Variants in BAZ2A observed in about 807,000 individuals in gnomAD.
BAZ2A encodes bromodomain adjacent to zinc finger domain protein 2A.
Under a neutral mutation model 199.9 loss-of-function variants are expected in BAZ2A, and 34 were observed. The observed-to-expected ratio is 0.17, with a 90% CI of 0.13 to 0.23. BAZ2A has a LOEUF of 0.23. BAZ2A is among the 10% of genes least tolerant of loss of function. BAZ2A has a pLI of 1.00. For missense variants in BAZ2A, 2,002 were observed against 2,391.1 expected (o/e 0.84, Z 3.39); for synonymous variants, 857 against 883.9 (o/e 0.97, Z 0.54).
chr12:56,615,493 C>G lies in BAZ2A; in HGVS notation c.251G>C (p.Ser84Thr). The G allele has an allele frequency of 6.2e-7, 1 of 1,613,414 alleles. No homozygotes were observed. The highest frequency in any genetic ancestry group is 1.1e-5 in the South Asian group (1 of 91,066). Reference protein sequence around the residue: ...SSSTSHLHHPSVAYDCLWNYS... With the variant: ...SSSTSHLHHPTVAYDCLWNYS... ...GTTCCAGAGACAGTCGTAGGCCACGCTGGGGTGATGGAGGTGTGAGGTGCT... is the reference window on the plus strand; with the variant it reads ...GTTCCAGAGACAGTCGTAGGCCACGGTGGGGTGATGGAGGTGTGAGGTGCT... Residue 84 changes from serine (S) to threonine (T), a missense_variant, in exon 3 of 29, where the codon AGC becomes ACC. Coordinates refer to ENST00000549884, the MANE Select transcript of BAZ2A (RefSeq NM_001300905.2).
chr12:56,634,496 G>T (rs1011768664), upstream of BAZ2A, among the ~76,000 whole-genome samples: 1 of 152,204 alleles, frequency 6.6e-6, no homozygotes, highest in Non-Finnish European at 1.5e-5. Flanking sequence ...GAACTTAAAG[G>T]GCTGAGCGGA....
Position 56,601,415 on chromosome 12 carries a change from T to A in BAZ2A, c.4072-13A>T, listed in dbSNP as rs1463909196. On this transcript the variant is annotated splice_polypyrimidine_tract_variant and intron_variant, in intron 20 of 28. Transcript: ENST00000549884. The stretch of plus-strand genomic sequence containing the variant: ...TAGGTCTATTCATCTGTGAATAAAA[T>A]GAGACATAAGGAAATGAGGATGTTT... 6.2e-7 allele frequency: 1 copy of A among 1,609,752 alleles called. No individual in the cohort carries two copies. The highest frequency in any genetic ancestry group is 8.5e-7 in the Non-Finnish European group (1 of 1,177,810).
At chr12:56,606,409 G>A in intron 11 of BAZ2A, 97 bp from the exon 12 acceptor site, 4 of 1,434,200 alleles carry the variant, frequency 2.8e-6, no homozygotes, top group Non-Finnish European at 2.9e-6. Context: ...GGGAGGAGAG[G>A]TGAGAGATGG....
chr12:56,604,897 G>T, intron 14 of BAZ2A, 98 bp from the exon 15 acceptor site: 1 of 1,409,732 alleles, frequency 7.1e-7, no homozygotes. Flanking sequence ...AGAACTATGG[G>T]GGTTAAGACA....
rs776437444 is a variant in BAZ2A, at chr12:56,615,187, G to C, written c.557C>G (p.Thr186Ser). 9.9e-6 allele frequency: 16 copies of C among 1,613,586 alleles called. No individual in the cohort carries two copies. The highest frequency in any genetic ancestry group is 1.3e-5 in the African/African-American group (1 of 74,914). ...CAACATAGGAGAAGTCTGTGGGGAG[G>C]TGAAAAAACTAGGGGGTCCATTGGG... ...VMPNGPPSFFTSPQTSPMLGS... is the reference protein window; with the variant it reads ...VMPNGPPSFFSSPQTSPMLGS... The change falls in exon 3 of 29, where the codon ACC becomes AGC. Residue 186 changes from threonine to serine, a missense_variant. By Grantham distance (58) the Thr-to-Ser change is moderately conservative. Around this residue, in one of 6 missense-constraint regions of BAZ2A, gnomAD observed 641 missense variants for 694.5 expected, o/e 0.92. Transcript: ENST00000549884.
intron 1 of BAZ2A, among the ~76,000 whole-genome samples, chr12:56,624,423 G>C (rs1321718672): frequency 6.6e-6 from 1 of 152,136 alleles, no homozygotes; most frequent in African/African-American, 2.4e-5. Flanking sequence ...CGGTTCCACA[G>C]CATCAGTTGG....
At chr12:56,611,415 A>G in intron 7 of BAZ2A, 158 bp downstream of exon 7, 1 of 715,032 alleles carries the variant, frequency 1.4e-6, no homozygotes, top group South Asian at 1.8e-5. Context: ...TAGGAATCTC[A>G]TGCCAAGAAA....
In BAZ2A at chr12:56,600,954, C is replaced by T. The variant is rs759229796; in HGVS notation, c.4439G>A (p.Arg1480Gln). 13 of 1,613,588 alleles carry T rather than the reference C, an allele frequency of 8.1e-6. No homozygotes were observed. Among genetic ancestry groups the T allele is most frequent in the South Asian group, 5.5e-5 (5 of 91,076 alleles). Residue 1480 changes from arginine to glutamine, a missense_variant, in exon 22 of 29, where the codon CGG (arginine) becomes CAG (glutamine). Arg to Gln is a conservative substitution (Grantham distance 43, BLOSUM62 1). Transcript: ENST00000549884. Reference sequence around the variant, plus strand: ...AGGAATGTATTTACCAGCTGAGGGCCGCAGGCAGACTTCCTGCAAGAAGTC... The same window carrying T: ...AGGAATGTATTTACCAGCTGAGGGCTGCAGGCAGACTTCCTGCAAGAAGTC... Reference protein sequence around the residue: ...HRDFLQEVCLRPSADPIFEPR... With the variant: ...HRDFLQEVCLQPSADPIFEPR...
upstream of BAZ2A, among the ~76,000 whole-genome samples, chr12:56,632,628 G>A (rs1370412766): frequency 6.6e-6 from 1 of 152,114 alleles, no homozygotes; most frequent in Non-Finnish European, 1.5e-5. Flanking sequence ...AGCCAGGAGC[G>A]GTTAGGAAGA....
upstream of BAZ2A, among the ~76,000 whole-genome samples, chr12:56,631,677 T>A (rs1324812998): frequency 2.0e-5 from 3 of 152,156 alleles, no homozygotes; most frequent in Non-Finnish European, 2.9e-5. Context: ...GCCTAAACTG[T>A]GCAAAGCTCA....
chr12:56,614,564 AAAT>A (rs1208844171), intron 3 of BAZ2A, among the ~76,000 whole-genome samples: 1 of 152,226 alleles, frequency 6.6e-6, no homozygotes, highest in East Asian at 1.9e-4. Context: ...CTGAGTAGAC[AAAT>A]AATGATATGC....
intron 19 of BAZ2A, 88 bp from the exon 20 acceptor site, chr12:56,602,280 T>C: frequency 8.3e-7 from 1 of 1,197,650 alleles, no homozygotes; most frequent in South Asian, 1.6e-5. Flanking sequence ...ATACTTTCTT[T>C]TTCTCTTGGA....
chr12:56,626,222 C>T (rs1029387635), intron 1 of BAZ2A, among the ~76,000 whole-genome samples: 2 of 152,244 alleles, frequency 1.3e-5, no homozygotes, highest in African/African-American at 2.4e-5. Context: ...CATATGAGGA[C>T]ACCAACATCC....
chr12:56,611,439 G>A (rs1950553973), intron 7 of BAZ2A, 134 bp downstream of exon 7: 3 of 857,442 alleles, frequency 3.5e-6, no homozygotes, highest in Non-Finnish European at 5.6e-6. Flanking sequence ...TATCACTGCA[G>A]ATAACTGTCC....
chr12:56,605,716 C>T (rs984012829), intron 13 of BAZ2A, 114 bp downstream of exon 13: 11 of 1,187,504 alleles, frequency 9.3e-6, no homozygotes, highest in Middle Eastern at 2.8e-4. Context: ...CCATGGCACC[C>T]GGCCTTCCTT....
Position 56,613,046 on chromosome 12 carries a change from A to G in BAZ2A, c.1104T>C (p.Ser368=). 6.2e-7 allele frequency: 1 copy of G among 1,613,804 alleles called. No individual in the cohort carries two copies. The highest frequency in any genetic ancestry group is 8.5e-7 in the Non-Finnish European group (1 of 1,179,862). Residue 368 remains serine (S), a synonymous_variant, in exon 5 of 29, where the codon TCT becomes TCC. Transcript: ENST00000549884. Reference sequence around the variant, plus strand: ...GGACAGACTCCCCTAGGACAGGTGGAGAGGTGGGACTGGCAAAGATAGAGG... The same window carrying G: ...GGACAGACTCCCCTAGGACAGGTGGGGAGGTGGGACTGGCAAAGATAGAGG... The part of the protein sequence containing the change: ...TSTSIFASPT[S]PPVLGESVLQ...
At chr12:56,626,642 A>C (rs1238785468) in intron 1 of BAZ2A, among the ~76,000 whole-genome samples, 1 of 152,246 alleles carries the variant, frequency 6.6e-6, no homozygotes, top group African/African-American at 2.4e-5. Context: ...TTTTATAAGA[A>C]GGCCATGAAA....
At chr12:56,598,814 G>A in intron 28 of BAZ2A, 31 bp from the exon 29 acceptor site, 1 of 1,609,810 alleles carries the variant, frequency 6.2e-7, no homozygotes, top group Non-Finnish European at 8.5e-7. Context: ...ACTGTGAGCT[G>A]GGTAGGAGTT....
At chr12:56,633,961 G>C (rs1282191641), upstream of BAZ2A, among the ~76,000 whole-genome samples, 1 of 152,104 alleles carries the variant, frequency 6.6e-6, no homozygotes, top group East Asian at 1.9e-4. Context: ...TCGAACTCCT[G>C]ACCTCAAGTG....
Sources: allele counts gnomAD v4.1 joint callset (sites outside exome capture counted in the v4.1 genomes callset), GRCh38; gene constraint gnomAD v4.1.1; regional missense constraint gnomAD v4.1.1; transcripts MANE v1.5; gene names NCBI Gene and HGNC (gene_info 2026-07-23, HGNC 2026-07-21).